SYNE2: variants seen among roughly 807,000 people sequenced by gnomAD.
SYNE2 encodes spectrin repeat containing nuclear envelope protein 2.
Under a neutral mutation model 856.3 loss-of-function variants are expected in SYNE2, and 431 were observed. The ratio of observed to expected loss-of-function variants is 0.50; its 90% CI spans 0.47 to 0.55. The LOEUF is 0.55. Ranked by LOEUF, SYNE2 falls within the 20% of genes least tolerant of loss-of-function variation. The pLI, the probability that SYNE2 is intolerant of heterozygous loss-of-function variation, is 0.00. For synonymous variants in SYNE2, 2,923 were observed against 2,872.3 expected (o/e 1.02, Z -0.56); for missense variants, 8,129 against 8,023.2 (o/e 1.01, Z -0.50).
chr14:64,026,532 T>A (rs755320376), intron 41 of SYNE2, 47 bp from the exon 42 acceptor site: 2 of 1,464,034 alleles, frequency 1.4e-6, no homozygotes, highest in Non-Finnish European at 1.9e-6. Context: ...ATGTAGTATC[T>A]CTAAGTAATG....
In SYNE2 at chr14:64,104,754, C is replaced by T. The variant is rs192388636; in HGVS notation, c.12492+2712C>T. ...GTGTGAGCCACTGCGCCCGGCCTCT[C>T]TGTTTTCTTTCAGGGCAATTTTATT... is the stretch of plus-strand genomic sequence containing the variant. On this transcript the variant is annotated intron_variant, in intron 64 of 115. Transcript: ENST00000555002. Among the ~76,000 whole-genome samples, 365 of 152,144 alleles carry T rather than the reference C, an allele frequency of 2.4e-3. 2 individuals carry two copies. Among genetic ancestry groups the T allele is most frequent in the African/African-American group, 8.4e-3 (350 of 41,534 alleles).
rs200946949 is a variant in SYNE2 at position 64,125,182 on chromosome 14, G to T, written c.13526G>T (p.Arg4509Leu). ...TATACCACCCAACTTGAAGACCTGC[G>T]CCAAGAAGCAAGTAACCTTCAGACA... is the stretch of plus-strand genomic sequence containing the variant. The part of the protein sequence containing the change: ...KTYTTQLEDL[R>L]QEASNLQTQE... The change falls in exon 71 of 116, where the codon CGC becomes CTC. Residue 4509 changes from arginine to leucine, a missense_variant. Arg to Leu is a moderately radical substitution (Grantham distance 102, BLOSUM62 -2). Transcript: ENST00000555002. 19 of 1,613,914 alleles carry T rather than the reference G, an allele frequency of 1.2e-5. No individual in the cohort carries two copies. Among genetic ancestry groups the T allele is most frequent in the Non-Finnish European group, 1.6e-5 (19 of 1,180,004 alleles).
rs2096582351 is a variant in SYNE2 at position 63,981,156 on chromosome 14, A to C, written c.1819A>C (p.Lys607Gln). The change falls in exon 16 of 116, where the codon AAG becomes CAG. Residue 607 changes from lysine (K) to glutamine (Q), a missense_variant. Transcript: ENST00000555002. ...LLRACFEETK[K>Q]EEIKEVPFET... ...AAGGGCTTGCTTTGAGGAGACAAAG[A>C]AGGAAGAAATTAAAGAGGTATTTGC... 2 of 1,613,604 alleles carry C rather than the reference A, an allele frequency of 1.2e-6. No individual in the cohort carries two copies.
At chr14:63,994,171 C>T (rs2096693052) in intron 22 of SYNE2, among the ~76,000 whole-genome samples, 2 of 152,136 alleles carry the variant, frequency 1.3e-5, no homozygotes, top group Non-Finnish European at 2.9e-5. Context: ...CTGGATTCAG[C>T]AGCTATGACC....
intron 1 of SYNE2, among the ~76,000 whole-genome samples, chr14:63,768,457 T>C (rs1886771469): frequency 6.6e-6 from 1 of 152,198 alleles, no homozygotes; most frequent in Non-Finnish European, 1.5e-5. Context: ...CTATAAACTC[T>C]TAATGGCAGG....
intron 51 of SYNE2, 81 bp from the exon 52 acceptor site, chr14:64,070,564 T>C: frequency 8.1e-7 from 1 of 1,238,152 alleles, no homozygotes; most frequent in Non-Finnish European, 1.1e-6. Flanking sequence ...AGAGAGAGCA[T>C]ACAAAAATTA....
At position 64,167,612 on chromosome 14, in the gene SYNE2, G is replaced by A. The variant is rs2153723292; in HGVS notation, c.16878G>A (p.Glu5626=). 3 of 1,614,218 alleles carry A rather than the reference G, an allele frequency of 1.9e-6. No homozygotes were observed. Among genetic ancestry groups the A allele is most frequent in the African/African-American group, 1.3e-5 (1 of 75,048 alleles). ...TGGATGTGGCTAACAGCCTTCCTGA[G>A]CTCCTGGAGCAGCAGAAAACCTATA... ...LKVDVANSLP[E]LLEQQKTYKM... The change falls in exon 92 of 116, where the codon GAG becomes GAA. Residue 5626 remains glutamate, a synonymous_variant. Coordinates refer to ENST00000555002, the MANE Select transcript of SYNE2 (RefSeq NM_182914.3).
chr14:64,105,274 A>G (rs1223717625), intron 64 of SYNE2, among the ~76,000 whole-genome samples: 3 of 152,204 alleles, frequency 2.0e-5, no homozygotes, highest in African/African-American at 7.2e-5. Context: ...AAAATTCTTC[A>G]TGGAGTTTGA....
chr14:64,012,947 C>T (rs2096858287), intron 32 of SYNE2, among the ~76,000 whole-genome samples: 1 of 152,186 alleles, frequency 6.6e-6, no homozygotes, highest in Admixed American at 6.5e-5. Flanking sequence ...TCCTTCAAAA[C>T]TGTAGTAACC....
At position 64,223,227 on chromosome 14, in the gene SYNE2, G is replaced by A. The variant is rs759344532; in HGVS notation, c.20229G>A (p.Val6743=). The A allele has an allele frequency of 5.9e-5, 96 of 1,614,020 alleles. No individual in the cohort carries two copies. The highest frequency in any genetic ancestry group is 7.9e-5 in the Non-Finnish European group (93 of 1,179,978). ...EKELVERQPQ[V]DMLQEISNSL... The stretch of plus-strand genomic sequence containing the variant: ...AGCTGGTAGAACGTCAACCTCAAGT[G>A]GACATGTTACAGGAGATTTCAAACA... Residue 6743 remains valine (V), a synonymous_variant, in exon 113 of 116, where the codon GTG becomes GTA. Transcript: ENST00000555002.
intron 29 of SYNE2, 150 bp from the exon 30 acceptor site, chr14:64,002,570 A>G (rs2096763430): frequency 1.2e-6 from 1 of 815,786 alleles, no homozygotes; most frequent in Admixed American, 2.9e-5. Context: ...TGTAATTAAA[A>G]TGTTTCCTTA....
chr14:64,061,333 A>C (rs2097315342), intron 49 of SYNE2, among the ~76,000 whole-genome samples: 1 of 152,224 alleles, frequency 6.6e-6, no homozygotes, highest in Non-Finnish European at 1.5e-5. Context: ...CAGTTTTTGC[A>C]TTCAGAAACA....
intron 2 of SYNE2, among the ~76,000 whole-genome samples, 184 bp downstream of exon 2, chr14:63,909,411 AG>A (rs2095445967): frequency 6.6e-6 from 1 of 152,138 alleles, no homozygotes; most frequent in South Asian, 2.1e-4. Context: ...TGGGAAAGTA[AG>A]GAATACCTGC....
At chr14:63,787,016 G>A (rs1406377478) in intron 1 of SYNE2, among the ~76,000 whole-genome samples, 2 of 152,114 alleles carry the variant, frequency 1.3e-5, no homozygotes, top group East Asian at 3.8e-4. Flanking sequence ...ACCTGCCTTG[G>A]CCTCCCAAAG....
intron 21 of SYNE2, among the ~76,000 whole-genome samples, chr14:63,992,218 T>C (rs1383756323): frequency 6.6e-6 from 1 of 150,516 alleles, no homozygotes; most frequent in Non-Finnish European, 1.5e-5. Flanking sequence ...TGGGTAGAGA[T>C]GGTCTGGTCA....
intron 115 of SYNE2, 65 bp downstream of exon 115, chr14:64,225,110 GC>G: frequency 6.3e-7 from 1 of 1,591,224 alleles, no homozygotes; most frequent in Admixed American, 1.7e-5. Context: ...ACTCAGTCTT[GC>G]CAATGCCACT....
At chr14:63,927,678 G>T (rs2095687520) in intron 2 of SYNE2, among the ~76,000 whole-genome samples, 1 of 152,044 alleles carries the variant, frequency 6.6e-6, no homozygotes, top group African/African-American at 2.4e-5. Flanking sequence ...CGGATCACGA[G>T]GTCAGGAGAT....
intron 79 of SYNE2, among the ~76,000 whole-genome samples, chr14:64,138,936 G>T (rs953353162): frequency 7.0e-6 from 1 of 142,804 alleles, no homozygotes; most frequent in Non-Finnish European, 1.5e-5. Flanking sequence ...GTGTGTGTGT[G>T]TGTATGTATG....
chr14:63,940,552 A>C, intron 2 of SYNE2, 62 bp from the exon 3 acceptor site: 1 of 1,472,480 alleles, frequency 6.8e-7, no homozygotes, highest in Non-Finnish European at 9.5e-7. Flanking sequence ...TGAAGCTCTG[A>C]TATGTGCAGG....
Sources: allele counts gnomAD v4.1 joint callset (sites outside exome capture counted in the v4.1 genomes callset), GRCh38; gene constraint gnomAD v4.1.1; transcripts MANE v1.5; gene names NCBI Gene and HGNC (gene_info 2026-07-23, HGNC 2026-07-21).